Variants in ZNF609 observed in about 807,000 individuals in gnomAD.
ZNF609 encodes zinc finger protein 609.
In ZNF609, 11 loss-of-function variants were observed where a neutral mutation model predicts 109.5. That is an observed-to-expected ratio of 0.10 (90% CI 0.06 to 0.17). ZNF609 has a LOEUF of 0.17. Among genes scored for constraint, ZNF609 ranks in the 10% least tolerant of loss-of-function variants. The pLI is 1.00. For missense variants in ZNF609, 1,559 were observed against 1,772.4 expected, an observed-to-expected ratio of 0.88 and a Z score of 2.16; for synonymous variants, 646 against 662.0, an observed-to-expected ratio of 0.98 and a Z score of 0.37.
At chr15:64,552,337 G>A (rs1307648337) in intron 2 of ZNF609, among the ~76,000 whole-genome samples, 1 of 152,052 alleles carries the variant, frequency 6.6e-6, no homozygotes, top group Non-Finnish European at 1.5e-5. Context: ...TTTTATATAT[G>A]TTGCAAGGTA....
At chr15:64,585,219 G>GGAATTACAGTAGCT (rs1312465736) in intron 2 of ZNF609, among the ~76,000 whole-genome samples, 1 of 152,006 alleles carries the variant, frequency 6.6e-6, no homozygotes, top group Non-Finnish European at 1.5e-5. Flanking sequence ...CAGCTACTCG[G>GGAATTACAGTAGCT]GAGGCTGAGG....
At chr15:64,537,934 C>T (rs1424521028) in intron 2 of ZNF609, among the ~76,000 whole-genome samples, 2 of 151,866 alleles carry the variant, frequency 1.3e-5, no homozygotes, top group South Asian at 2.1e-4. Flanking sequence ...AACCCCGTCT[C>T]TACTAAAAAT....
chr15:64,512,633 A>C (rs535148465), intron 2 of ZNF609, among the ~76,000 whole-genome samples: 81 of 152,334 alleles, frequency 5.3e-4, no homozygotes, highest in African/African-American at 1.8e-3. Flanking sequence ...CAAGCACCTT[A>C]TATCATAGTT....
intron 2 of ZNF609, among the ~76,000 whole-genome samples, chr15:64,536,323 A>G (rs1236953576): frequency 9.9e-5 from 15 of 152,096 alleles, no homozygotes; most frequent in Admixed American, 6.6e-4. Flanking sequence ...TGCCCAGCCT[A>G]TGGCATGATT....
At chr15:64,518,611 A>T (rs1231136033) in intron 2 of ZNF609, among the ~76,000 whole-genome samples, 1 of 152,196 alleles carries the variant, frequency 6.6e-6, no homozygotes, top group Non-Finnish European at 1.5e-5. Context: ...AGTGGATTGG[A>T]GAACAAGATT....
intron 2 of ZNF609, among the ~76,000 whole-genome samples, chr15:64,560,345 G>T (rs901499559): frequency 6.6e-6 from 1 of 151,362 alleles, no homozygotes; most frequent in Non-Finnish European, 1.5e-5. Flanking sequence ...CACACCCAGC[G>T]TCTCTCTGGT....
At chr15:64,525,283 G>T (rs612321) in intron 2 of ZNF609, among the ~76,000 whole-genome samples, 149,788 of 152,346 alleles carry the variant, frequency 0.98, 73,679 homozygotes, top group East Asian at 1. Context: ...TCCAGCTTTA[G>T]TCTTTTACAT....
rs111327687 is a variant in ZNF609 at position 64,569,625 on chromosome 15, G to T, written c.748-53202G>T. Reference sequence around the variant, plus strand: ...TCAGTAGCCCCCTCCCCAGACTGGGGTTAGAGGGCTCCCTTTTGCTCTCAC... The same window carrying T: ...TCAGTAGCCCCCTCCCCAGACTGGGTTTAGAGGGCTCCCTTTTGCTCTCAC... On this transcript the variant is annotated intron_variant, in intron 2 of 9. Coordinates refer to ENST00000326648, the MANE Select transcript of ZNF609 (RefSeq NM_015042.2). Among the ~76,000 whole-genome samples, 522 of 152,350 alleles carry T rather than the reference G, an allele frequency of 3.4e-3. 1 individual carries two copies. Among genetic ancestry groups the T allele is most frequent in the Non-Finnish European group, 6.4e-3 (436 of 68,032 alleles).
chr15:64,603,997 CAAAAAAAAAAAAA>C (rs34675102), intron 2 of ZNF609, among the ~76,000 whole-genome samples: 3 of 65,206 alleles, frequency 4.6e-5, no homozygotes, highest in Non-Finnish European at 5.9e-5. Flanking sequence ...GACTCCGTCT[CAAAAAAAAAAAAA>C]AAAAAAAAAA....
chr15:64,584,682 G>A (rs569083641), intron 2 of ZNF609, among the ~76,000 whole-genome samples: 21 of 151,932 alleles, frequency 1.4e-4, no homozygotes, highest in African/African-American at 5.1e-4. Flanking sequence ...AGGCTGGAGT[G>A]CAATGGTGCA....
At chr15:64,542,583 G>T (rs1385981262) in intron 2 of ZNF609, among the ~76,000 whole-genome samples, 1 of 152,078 alleles carries the variant, frequency 6.6e-6, no homozygotes, top group Non-Finnish European at 1.5e-5. Context: ...AGTTTTCATT[G>T]TTCAACCTAA....
In ZNF609 at chr15:64,674,879, CTTCA is replaced by C; in HGVS notation, c.2026_2029del (p.Phe676GlnfsTer11). On this transcript the variant is annotated frameshift_variant, in exon 5 of 10. Transcript: ENST00000326648. LOFTEE classifies it high-confidence loss of function. ...AAATCTACACCTTCCAGACAGCCAC[CTTCA>C]CAGCAGCGAGCCCAGGCTCTTCCTC... 1 of 1,614,144 alleles carries C rather than the reference CTTCA, an allele frequency of 6.2e-7. No individual in the cohort carries two copies. The highest frequency in any genetic ancestry group is 1.1e-5 in the South Asian group (1 of 91,080).
chr15:64,570,773 C>T (rs1894847992), intron 2 of ZNF609, among the ~76,000 whole-genome samples: 2 of 152,092 alleles, frequency 1.3e-5, no homozygotes. Context: ...CACCTGTTAT[C>T]CCAGCACTTT....
upstream of ZNF609, among the ~76,000 whole-genome samples, chr15:64,459,676 A>G (rs547176464): frequency 5.3e-5 from 8 of 152,344 alleles, no homozygotes; most frequent in Admixed American, 3.9e-4. Context: ...CAGGAAGGAC[A>G]TAATAGGGGC....
chr15:64,609,649 G>A (rs1423858261), intron 2 of ZNF609, among the ~76,000 whole-genome samples: 1 of 151,224 alleles, frequency 6.6e-6, no homozygotes, highest in Non-Finnish European at 1.5e-5. Context: ...AAGGGATATA[G>A]CCTACCTAAA....
At chr15:64,460,320 C>G (rs1892917617), upstream of ZNF609, among the ~76,000 whole-genome samples, 1 of 152,158 alleles carries the variant, frequency 6.6e-6, no homozygotes, top group African/African-American at 2.4e-5. Context: ...GAGGGGACAG[C>G]GTTAGGTTCG....
intron 2 of ZNF609, among the ~76,000 whole-genome samples, chr15:64,603,520 C>T (rs537528953): frequency 1.3e-5 from 2 of 151,402 alleles, no homozygotes; most frequent in African/African-American, 2.4e-5. Flanking sequence ...CTGCCTGCTT[C>T]GGCCTCCCAA....
rs148962070 is a variant in ZNF609 at position 64,588,691 on chromosome 15, C to T, written c.748-34136C>T. Among the ~76,000 whole-genome samples, 1,090 of 150,738 alleles carry T rather than the reference C, an allele frequency of 7.2e-3. 3 individuals carry two copies. Among genetic ancestry groups the T allele is most frequent in the Middle Eastern group, 0.024 (7 of 294 alleles). On this transcript the variant is annotated intron_variant, in intron 2 of 9. Transcript: ENST00000326648. ...TGAGATGGAGTTTCGCCCTTGTTGC[C>T]CAGGCTGGAATGCAATGGCAAATGG...
intron 2 of ZNF609, among the ~76,000 whole-genome samples, chr15:64,566,860 C>G (rs1018451185): frequency 1.4e-4 from 21 of 152,232 alleles, no homozygotes; most frequent in African/African-American, 5.1e-4. Context: ...CTACTGGAGG[C>G]CACCATTCTC....
Sources: gnomAD v4.1 joint callset for allele counts (sites outside exome capture counted in the v4.1 genomes callset) on GRCh38, gnomAD v4.1.1 for gene constraint, MANE v1.5 for transcripts, NCBI Gene and HGNC (gene_info 2026-07-23, HGNC 2026-07-21) for gene names.